The following KANK1 variants were observed in gnomAD, a reference collection of about 807,000 sequenced individuals.
KANK1 encodes the protein KN motif and ankyrin repeat domain-containing protein 1.
In KANK1, 109 loss-of-function variants were observed where a neutral mutation model predicts 106.2. The observed-to-expected ratio is 1.03, with a 90% CI of 0.88 to 1.20. The LOEUF is 1.20. Among genes scored for constraint, KANK1 ranks in the 50% most tolerant of loss-of-function variants. The probability of loss-of-function intolerance (pLI) is 0.00; values close to 1 mark genes in which losing one functional copy is unlikely to be tolerated. For synonymous variants in KANK1, 873 were observed against 652.2 expected (o/e 1.34, Z -5.16); for missense variants, 2,399 against 1,710.7 (o/e 1.40, Z -7.10).
intron 3 of KANK1, among the ~76,000 whole-genome samples, chr9:473,978 G>C (rs2132050797): frequency 1.3e-5 from 2 of 152,344 alleles, no homozygotes; most frequent in East Asian, 1.9e-4. Flanking sequence ...GATTATAGGT[G>C]TGAGCCAGTG....
intron 1 of KANK1, among the ~76,000 whole-genome samples, chr9:528,469 C>CTTTTGTTTTTTTT (rs2059905700): frequency 1.2e-5 from 1 of 85,082 alleles, no homozygotes; most frequent in Non-Finnish European, 2.4e-5. Flanking sequence ...TAAAAAATAA[C>CTTTTGTTTTTTTT]TTTTTTTTTT....
intron 3 of KANK1, among the ~76,000 whole-genome samples, chr9:479,129 C>T (rs1207490946): frequency 6.6e-6 from 1 of 152,158 alleles, no homozygotes; most frequent in Non-Finnish European, 1.5e-5. Context: ...CAAATAACTG[C>T]AATGCATATC....
At chr9:693,302 G>A in intron 2 of KANK1, 1 of 779,192 alleles carries the variant, frequency 1.3e-6, no homozygotes, top group East Asian at 1.3e-4. Context: ...CAAGCCAGCT[G>A]CTGTGCTATA....
intron 2 of KANK1, chr9:471,708 A>T (rs939474786): frequency 6.6e-6 from 1 of 152,368 alleles, no homozygotes. Flanking sequence ...TTCGAAACCT[A>T]GGCAACATAG....
At chr9:603,753 C>G (rs1023865380) in intron 1 of KANK1, among the ~76,000 whole-genome samples, 2 of 151,276 alleles carry the variant, frequency 1.3e-5, no homozygotes, top group Admixed American at 6.6e-5. Flanking sequence ...GTCTGGAGTC[C>G]GAGACCAGTC....
chr9:744,572 G>A lies in KANK1; in HGVS notation c.3979G>A (p.Ala1327Thr). 1 of 1,614,136 alleles carries A rather than the reference G, an allele frequency of 6.2e-7. No homozygotes were observed. Among genetic ancestry groups the A allele is most frequent in the East Asian group, 2.2e-5 (1 of 44,882 alleles). Residue 1327 changes from alanine to threonine, a missense_variant, in exon 11 of 12, where the codon GCA becomes ACA. Transcript: ENST00000382297. ...AVLLYAHVNF[A>T]KAQSPGTPRL... The stretch of plus-strand genomic sequence containing the variant: ...TCTTCTGTATGCCCATGTCAACTTT[G>A]CAAAAGCCCAGTCTCCGGTCAGTGT...
chr9:724,082 CAG>C (rs1360186741), intron 3 of KANK1, among the ~76,000 whole-genome samples: 2 of 152,014 alleles, frequency 1.3e-5, no homozygotes, highest in South Asian at 2.1e-4. Context: ...GCCTGGGTGA[CAG>C]AGTGAGATGC....
intron 1 of KANK1, among the ~76,000 whole-genome samples, chr9:538,925 G>A (rs575712738): frequency 6.6e-6 from 1 of 152,254 alleles, no homozygotes; most frequent in African/African-American, 2.4e-5. Flanking sequence ...GTGTTGCCCA[G>A]GCTGGAGTAC....
At chr9:646,554 A>G (rs1839709704) in intron 1 of KANK1, among the ~76,000 whole-genome samples, 1 of 150,656 alleles carries the variant, frequency 6.6e-6, no homozygotes, top group Non-Finnish European at 1.5e-5. Flanking sequence ...GTAAAATAAT[A>G]TGTTGAACAT....
At chr9:598,935 C>G (rs978719915) in intron 1 of KANK1, among the ~76,000 whole-genome samples, 11 of 147,988 alleles carry the variant, frequency 7.4e-5, no homozygotes, top group Non-Finnish European at 1.2e-4. Flanking sequence ...CCCGGCCATC[C>G]CTAGGTATTT....
At chr9:734,291 C>G (rs1833142074) in intron 6 of KANK1, 1 of 167,104 alleles carries the variant, frequency 6.0e-6, no homozygotes, top group South Asian at 1.6e-4. Context: ...CTAAGGATTT[C>G]TGTGCTGCCT....
chr9:546,138 G>A (rs1414422347), intron 1 of KANK1, among the ~76,000 whole-genome samples: 1 of 152,136 alleles, frequency 6.6e-6, no homozygotes, highest in Non-Finnish European at 1.5e-5. Flanking sequence ...TGGGACTTCA[G>A]CTCTTATGTG....
chr9:495,601 T>G (rs928766456), intron 3 of KANK1: 1 of 152,146 alleles, frequency 6.6e-6, no homozygotes, highest in African/African-American at 2.4e-5. Flanking sequence ...TATAACTAAC[T>G]CTAAAACTTC....
At chr9:736,995 C>G (rs151137430) in intron 7 of KANK1, among the ~76,000 whole-genome samples, 2 of 152,290 alleles carry the variant, frequency 1.3e-5, no homozygotes, top group Non-Finnish European at 2.9e-5. Flanking sequence ...TGGTGTCATC[C>G]ACACACACTG....
chr9:629,658 C>G (rs1176291191), intron 1 of KANK1, among the ~76,000 whole-genome samples: 1 of 152,196 alleles, frequency 6.6e-6, no homozygotes, highest in East Asian at 1.9e-4. Flanking sequence ...TCCCTTCTCC[C>G]AGAGGAGATC....
chr9:733,150 T>G (rs959898796), intron 6 of KANK1: 1 of 152,328 alleles, frequency 6.6e-6, no homozygotes, highest in African/African-American at 2.4e-5. Context: ...ATATCATAAA[T>G]AGTAGCTGAA....
At chr9:515,972 C>T (rs2059262381) in intron 1 of KANK1, among the ~76,000 whole-genome samples, 1 of 151,798 alleles carries the variant, frequency 6.6e-6, no homozygotes, top group Admixed American at 6.6e-5. Context: ...ATTTTATCCT[C>T]TCAGTTGTTT....
chr9:689,391 C>T (rs1374703217), intron 2 of KANK1, among the ~76,000 whole-genome samples: 1 of 152,076 alleles, frequency 6.6e-6, no homozygotes, highest in African/African-American at 2.4e-5. Flanking sequence ...AGAATCAGAC[C>T]CCTCTGCCGG....
intron 1 of KANK1, among the ~76,000 whole-genome samples, chr9:628,583 T>G (rs1834914454): frequency 6.6e-6 from 1 of 152,178 alleles, no homozygotes; most frequent in Non-Finnish European, 1.5e-5. Flanking sequence ...TGAGGGCACT[T>G]GAACCACAGT....
Sources: allele counts gnomAD v4.1 joint callset (sites outside exome capture counted in the v4.1 genomes callset), GRCh38; gene constraint gnomAD v4.1.1; transcripts MANE v1.5; gene names NCBI Gene and HGNC (gene_info 2026-07-23, HGNC 2026-07-21).